The following CEACAM21 variants were observed in gnomAD, a reference collection of about 807,000 sequenced individuals.
CEACAM21 encodes CEA cell adhesion molecule 21.
Under a neutral mutation model 33.2 loss-of-function variants are expected in CEACAM21, and 38 were observed. That is an observed-to-expected ratio of 1.14 (90% CI 0.88 to 1.50). CEACAM21 has a LOEUF of 1.50. Among genes scored for constraint, CEACAM21 ranks in the 40% most tolerant of loss-of-function variants. The pLI is 0.00. For missense variants in CEACAM21, 385 were observed against 364.6 expected (o/e 1.06, Z -0.46); for synonymous variants, 156 against 143.0 (o/e 1.09, Z -0.65).
upstream of CEACAM21, among the ~76,000 whole-genome samples, chr19:41,572,771 A>C (rs1293515536): frequency 6.6e-6 from 1 of 152,048 alleles, no homozygotes; most frequent in East Asian, 1.9e-4. Flanking sequence ...CATGCCCCCA[A>C]CTGAAACCAG....
At chr19:41,555,290 TGCTTGG>T (rs2041465189) in intron 1 of CEACAM21, 1 of 149,854 alleles carries the variant, frequency 6.7e-6, no homozygotes, top group African/African-American at 2.5e-5. Context: ...TTCTTACTAG[TGCTTGG>T]GCTTGCTTTT....
upstream of CEACAM21, among the ~76,000 whole-genome samples, chr19:41,575,930 C>A (rs951596231): frequency 6.6e-6 from 1 of 152,156 alleles, no homozygotes; most frequent in Non-Finnish European, 1.5e-5. Flanking sequence ...GTGACAGAAC[C>A]AAGGCCAGAA....
At chr19:41,585,817 C>T (rs1555795213) in intron 5 of CEACAM21, 23 bp from the exon 6 acceptor site, 2 of 1,610,806 alleles carry the variant, frequency 1.2e-6, no homozygotes, top group Non-Finnish European at 1.7e-6. Context: ...CACTCTCGTG[C>T]TCACTTTTGT....
At chr19:41,582,521 A>G (rs1555793817) in intron 3 of CEACAM21, among the ~76,000 whole-genome samples, 1 of 152,212 alleles carries the variant, frequency 6.6e-6, no homozygotes, top group Non-Finnish European at 1.5e-5. Flanking sequence ...CTGCTTCTGC[A>G]GCAAACTTCC....
upstream of CEACAM21, among the ~76,000 whole-genome samples, chr19:41,573,462 G>A (rs553281362): frequency 1.7e-3 from 256 of 152,238 alleles, no homozygotes; most frequent in Non-Finnish European, 3.2e-3. Flanking sequence ...TCCCAACCAG[G>A]GTCACTGCCT....
At chr19:41,560,250 T>C (rs1375914998) in intron 1 of CEACAM21, among the ~76,000 whole-genome samples, 2 of 152,050 alleles carry the variant, frequency 1.3e-5, no homozygotes, top group African/African-American at 4.8e-5. Context: ...TGAGACAGGG[T>C]CTCGCTCTGT....
intron 1 of CEACAM21, chr19:41,552,293 G>T (rs1354708644): frequency 6.6e-6 from 1 of 152,170 alleles, no homozygotes; most frequent in Non-Finnish European, 1.5e-5. Context: ...TTTGGGGGGG[G>T]TTCCTTTAGA....
intron 1 of CEACAM21, among the ~76,000 whole-genome samples, chr19:41,549,848 G>A (rs78759894): frequency 3.6e-4 from 55 of 151,958 alleles, no homozygotes; most frequent in East Asian, 1.5e-3. Flanking sequence ...ATTTGCCACC[G>A]TGCCCAATTT....
intron 2 of CEACAM21, among the ~76,000 whole-genome samples, chr19:41,567,354 C>T (rs2042331687): frequency 6.6e-6 from 1 of 152,284 alleles, no homozygotes; most frequent in African/African-American, 2.4e-5. Context: ...ATAAAATGTG[C>T]ATATCTTGTG....
At chr19:41,579,719 T>A in intron 3 of CEACAM21, 91 bp downstream of exon 3, 1 of 921,006 alleles carries the variant, frequency 1.1e-6, no homozygotes, top group Non-Finnish European at 1.6e-6. Flanking sequence ...ATGAGAAGGA[T>A]GAGATTCCTT....
intron 1 of CEACAM21, among the ~76,000 whole-genome samples, chr19:41,558,391 T>C (rs1244390192): frequency 6.6e-6 from 1 of 152,192 alleles, no homozygotes; most frequent in African/African-American, 2.4e-5. Context: ...CTCACACCTG[T>C]AATCCTAGCA....
intron 3 of CEACAM21, 110 bp from the exon 4 acceptor site, chr19:41,584,237 A>G: frequency 1.1e-6 from 1 of 886,106 alleles, no homozygotes; most frequent in Non-Finnish European, 1.8e-6. Context: ...GACCACACTC[A>G]GGCTCCATGG....
chr19:41,585,500 G>A lies in CEACAM21; in HGVS notation c.850+5G>A. The A allele has an allele frequency of 6.2e-7, 1 of 1,613,814 alleles. No homozygotes were observed. Among genetic ancestry groups the A allele is most frequent in the Non-Finnish European group, 8.5e-7 (1 of 1,179,784 alleles). ...AGCCCCCAGCCTCCACCCCCGGTGA[G>A]TGTCCCTTCAGTCTGGGTGTGGCTG... On this transcript the variant is annotated splice_donor_5th_base_variant and intron_variant, in intron 5 of 6. Coordinates refer to ENST00000401445, the MANE Select transcript of CEACAM21 (RefSeq NM_001098506.4).
rs782085304 is a variant in CEACAM21 at position 41,577,332 on chromosome 19, G to T, written c.197G>T (p.Gly66Val). The change falls in exon 2 of 7, where the codon GGC becomes GTC. Residue 66 changes from glycine (G) to valine (V), a missense_variant. Transcript: ENST00000401445. ...CTGCCCGAGAATCTTTACAGCTATG[G>T]CTGGTACAAAGGGAAAACGGTGGAG... ...VYLPENLYSY[G>V]WYKGKTVEPN... The T allele has an allele frequency of 6.8e-6, 11 of 1,613,954 alleles. No homozygotes were observed. In the African/African-American group the frequency reaches 1.2e-4, roughly 18 times the overall value.
At chr19:41,560,497 G>A (rs1226635022) in intron 1 of CEACAM21, among the ~76,000 whole-genome samples, 1 of 152,134 alleles carries the variant, frequency 6.6e-6, no homozygotes, top group Non-Finnish European at 1.5e-5. Flanking sequence ...AGCTCTTATT[G>A]TGAGGCTATT....
At chr19:41,579,690 G>T (rs1469896762) in intron 3 of CEACAM21, 62 bp downstream of exon 3, 2 of 1,183,574 alleles carry the variant, frequency 1.7e-6, no homozygotes, top group East Asian at 2.6e-5. Context: ...GGGAGGGGGG[G>T]TGTAAAATGA....
At chr19:41,579,682 G>A (rs2043228032) in intron 3 of CEACAM21, 54 bp downstream of exon 3, 2 of 1,252,728 alleles carry the variant, frequency 1.6e-6, no homozygotes, top group South Asian at 1.5e-5. Context: ...TCCTAGGAGG[G>A]AGGGGGGGTG....
intron 1 of CEACAM21, among the ~76,000 whole-genome samples, chr19:41,562,083 T>C (rs1208608244): frequency 2.0e-5 from 3 of 151,888 alleles, no homozygotes; most frequent in African/African-American, 7.3e-5. Flanking sequence ...CCATCTGTAC[T>C]AAAAATACAA....
intron 1 of CEACAM21, 138 bp from the exon 2 acceptor site, chr19:41,577,062 C>A: frequency 1.1e-6 from 1 of 893,104 alleles, no homozygotes; most frequent in Non-Finnish European, 1.7e-6. Flanking sequence ...GGTCATGCTG[C>A]TGACTTTGAC....
Sources: gnomAD v4.1 joint callset for allele counts (sites outside exome capture counted in the v4.1 genomes callset) on GRCh38, gnomAD v4.1.1 for gene constraint, MANE v1.5 for transcripts, NCBI Gene and HGNC (gene_info 2026-07-23, HGNC 2026-07-21) for gene names.